EPS8: variants seen among roughly 807,000 people sequenced by gnomAD.
EPS8 encodes EGFR pathway substrate 8, signaling adaptor.
EPS8 carries 42 observed loss-of-function variants against 103.8 expected under a neutral mutation model. The observed-to-expected ratio is 0.40, with a 90% confidence interval of 0.32 to 0.52. The LOEUF is 0.52. Ranked by LOEUF, EPS8 falls within the 20% of genes least tolerant of loss-of-function variation. The pLI is 0.40. For synonymous variants in EPS8, 344 were observed against 344.6 expected (o/e 1.00, Z 0.02); for missense variants, 969 against 1,005.1 (o/e 0.96, Z 0.49).
rs189567324 is a variant in EPS8 at position 15,755,453 on chromosome 12, G to A, written c.-22+33708C>T. ...CATCTCAGAAGGACCACTGATTTTCGAGCAATCTCTCTGAGCCTGTTTCTT... is the reference window on the plus strand; with the variant it reads ...CATCTCAGAAGGACCACTGATTTTCAAGCAATCTCTCTGAGCCTGTTTCTT... On this transcript the variant is annotated intron_variant, in intron 1 of 20. Transcript: ENST00000281172. 6.6e-4 allele frequency among the ~76,000 whole-genome samples: 100 copies of A among 152,068 alleles called. 1 individual carries two copies. Among genetic ancestry groups the A allele is most frequent in the Middle Eastern group, 6.8e-3 (2 of 294 alleles).
At chr12:15,644,709 A>C (rs1945291756) in intron 15 of EPS8, among the ~76,000 whole-genome samples, 1 of 152,116 alleles carries the variant, frequency 6.6e-6, no homozygotes, top group South Asian at 2.1e-4. Context: ...AAAAAAAAAA[A>C]AAAAACTGTT....
chr12:15,677,749 TTGTGTCTAATACCCACCAC>T (rs1447760769), intron 3 of EPS8, among the ~76,000 whole-genome samples: 1 of 152,170 alleles, frequency 6.6e-6, no homozygotes, highest in African/African-American at 2.4e-5. Flanking sequence ...TCTTTCTTCT[TTGTGTCTAATACCCACCAC>T]TGTCTCTCAA....
At chr12:15,686,132 C>A (rs2135900251) in intron 1 of EPS8, among the ~76,000 whole-genome samples, 1 of 152,282 alleles carries the variant, frequency 6.6e-6, no homozygotes, top group Non-Finnish European at 1.5e-5. Flanking sequence ...GACCCCTCCA[C>A]TTCTTCTCCC....
chr12:15,671,848 G>A (rs1229024975), intron 3 of EPS8: 3 of 152,040 alleles, frequency 2.0e-5, no homozygotes, highest in African/African-American at 4.8e-5. Context: ...TTGCTTATTT[G>A]TAAATTCAGA....
chr12:15,654,861 CT>C (rs1565482257), intron 12 of EPS8, among the ~76,000 whole-genome samples: 3 of 152,070 alleles, frequency 2.0e-5, no homozygotes, highest in East Asian at 3.9e-4. Context: ...TAGAAAATTC[CT>C]CTGATTTAAT....
At chr12:15,788,334 T>C (rs1301054661) in intron 1 of EPS8, among the ~76,000 whole-genome samples, 1 of 152,308 alleles carries the variant, frequency 6.6e-6, no homozygotes, top group Non-Finnish European at 1.5e-5. Context: ...GCTCTAGATG[T>C]CTGCGGATTT....
At chr12:15,624,486 A>C (rs1489783955) in intron 18 of EPS8, 79 bp from the exon 19 acceptor site, 3 of 1,107,372 alleles carry the variant, frequency 2.7e-6, no homozygotes, top group Non-Finnish European at 3.9e-6. Context: ...AATCTCTATA[A>C]TCCTTGACCC....
intron 1 of EPS8, among the ~76,000 whole-genome samples, chr12:15,737,945 T>G (rs1341691007): frequency 6.6e-6 from 1 of 152,146 alleles, no homozygotes; most frequent in African/African-American, 2.4e-5. Flanking sequence ...ACTCCTGTCA[T>G]TAAAAACTCA....
intron 1 of EPS8, among the ~76,000 whole-genome samples, chr12:15,740,966 G>C (rs1946815150): frequency 6.6e-6 from 1 of 152,160 alleles, no homozygotes; most frequent in African/African-American, 2.4e-5. Context: ...TTCCAAAGCA[G>C]CAGCAGCCAA....
rs138383180 is a variant in EPS8 at position 15,771,426 on chromosome 12, T to C, written c.-22+17735A>G. On this transcript the variant is annotated intron_variant, in intron 1 of 20. Coordinates refer to ENST00000281172, the MANE Select transcript of EPS8 (RefSeq NM_004447.6). The surrounding 1 kb of genome is among the most constrained non-coding windows in gnomAD (Gnocchi z 4.6). The stretch of plus-strand genomic sequence containing the variant: ...CTGAACTCAGCTTTAGCAAGACTGA[T>C]CTGAAAGTAGTAATTAACATGAATT... Among the ~76,000 whole-genome samples, 179 of 152,302 alleles carry C rather than the reference T, an allele frequency of 1.2e-3. No homozygotes were observed. Among genetic ancestry groups the C allele is most frequent in the African/African-American group, 4.1e-3 (170 of 41,574 alleles).
chr12:15,727,683 C>T lies in EPS8; in HGVS notation c.-21-44711G>A, dbSNP rs543856459. ...GACCAGCCTGACCAACACGGTGAAA[C>T]CCCGTCTCTACTAAAAATACAAAAA... On this transcript the variant is annotated intron_variant, in intron 1 of 20. Coordinates refer to ENST00000281172, the MANE Select transcript of EPS8 (RefSeq NM_004447.6). This position sits in a 1 kb window ranked among gnomAD's most constrained non-coding sequence, Gnocchi z 4.3. 2.6e-3 allele frequency among the ~76,000 whole-genome samples: 402 copies of T among 152,184 alleles called. 1 individual carries two copies. The highest frequency in any genetic ancestry group is 0.01 in the South Asian group (50 of 4,818).
chr12:15,640,854 G>A lies in EPS8; in HGVS notation c.1678-8C>T, dbSNP rs148986583. 6.7e-5 allele frequency: 108 copies of A among 1,612,140 alleles called. 1 individual carries two copies. The South Asian group carries it at 8.5e-4, about 13-fold the overall frequency. ...CTTCCGATCATCAAGTATCTGTCAT[G>A]TACAAGAAAATAAAGGTATAATTTC... On this transcript the variant is annotated splice_region_variant and splice_polypyrimidine_tract_variant and intron_variant, in intron 16 of 20. Coordinates refer to ENST00000281172, the MANE Select transcript of EPS8 (RefSeq NM_004447.6).
At chr12:15,675,336 C>T (rs1206362568) in intron 3 of EPS8, among the ~76,000 whole-genome samples, 1 of 152,230 alleles carries the variant, frequency 6.6e-6, no homozygotes. Flanking sequence ...CATGGTGGCT[C>T]ACACCTGTAA....
At chr12:15,658,729 T>C (rs1945551899) in intron 10 of EPS8, 144 bp from the exon 11 acceptor site, 2 of 630,686 alleles carry the variant, frequency 3.2e-6, no homozygotes, top group Non-Finnish European at 5.8e-6. Flanking sequence ...TCTCATAGTC[T>C]GACTGTAACA....
intron 1 of EPS8, chr12:15,732,812 G>A (rs759042498): frequency 1.7e-5 from 16 of 946,908 alleles, no homozygotes; most frequent in Non-Finnish European, 1.9e-5. Flanking sequence ...TTGAGCTAGC[G>A]CTGAAGATTA....
In EPS8 at chr12:15,678,638, G is replaced by A. The variant is rs184892551; in HGVS notation, c.136+2588C>T. On this transcript the variant is annotated intron_variant, in intron 3 of 20. Coordinates refer to ENST00000281172, the MANE Select transcript of EPS8 (RefSeq NM_004447.6). The stretch of plus-strand genomic sequence containing the variant: ...AAAAGGGGGAAAATAAAAATTAACT[G>A]CTTAAAAGCTAAAGATTTTCTAGGC... Among the ~76,000 whole-genome samples the A allele has an allele frequency of 2.6e-3, 397 of 152,164 alleles. 1 individual carries two copies. The highest frequency in any genetic ancestry group is 4.6e-3 in the Non-Finnish European group (316 of 68,000).
chr12:15,667,211 G>A (rs912671853), intron 6 of EPS8, among the ~76,000 whole-genome samples: 61 of 152,208 alleles, frequency 4.0e-4, no homozygotes, highest in Middle Eastern at 3.4e-3. Flanking sequence ...ATCTATGTTT[G>A]GGCCTCCCTG....
rs920304671 is a variant in EPS8 at position 15,721,485 on chromosome 12, C to T, written c.-21-38513G>A. On this transcript the variant is annotated intron_variant, in intron 1 of 20. Transcript: ENST00000281172. This position sits in a 1 kb window ranked among gnomAD's most constrained non-coding sequence, Gnocchi z 4.4. Reference sequence around the variant, plus strand: ...TTGTGGGGCTCAACAAAAAAGTAATCGTCTGGAAGCAGCCGGTTCTGTGAA... The same window carrying T: ...TTGTGGGGCTCAACAAAAAAGTAATTGTCTGGAAGCAGCCGGTTCTGTGAA... 2.0e-5 allele frequency among the ~76,000 whole-genome samples: 3 copies of T among 152,140 alleles called. No homozygotes were observed. The highest frequency in any genetic ancestry group is 7.2e-5 in the African/African-American group (3 of 41,442).
chr12:15,721,952 T>C lies in EPS8; in HGVS notation c.-21-38980A>G, dbSNP rs1946600483. 6.7e-6 allele frequency among the ~76,000 whole-genome samples: 1 copy of C among 150,280 alleles called. No individual in the cohort carries two copies. Among genetic ancestry groups the C allele is most frequent in the Non-Finnish European group, 1.5e-5 (1 of 67,454 alleles). ...TTTCACATTTTATAAATTTTTCTAG[T>C]TTTTTTTTAATGCATACATACTTTT... On this transcript the variant is annotated intron_variant, in intron 1 of 20. Transcript: ENST00000281172. The surrounding 1 kb of genome is among the most constrained non-coding windows in gnomAD (Gnocchi z 4.4).
Sources: gnomAD v4.1 joint callset for allele counts (sites outside exome capture counted in the v4.1 genomes callset) on GRCh38, gnomAD v4.1.1 for gene constraint, Gnocchi (gnomAD v3.1) non-coding constraint, MANE v1.5 for transcripts, NCBI Gene and HGNC (gene_info 2026-07-23, HGNC 2026-07-21) for gene names.